EFCAB11: variants seen among roughly 807,000 people sequenced by gnomAD.
EFCAB11 encodes EF-hand calcium binding domain 11.
EFCAB11 carries 14 observed loss-of-function variants against 23.0 expected under a neutral mutation model. That is an observed-to-expected ratio of 0.61 (90% CI 0.40 to 0.95). The LOEUF is 0.95. Among genes scored for constraint, EFCAB11 ranks in the 40% least tolerant of loss-of-function variants. EFCAB11 has a pLI of 0.00. For synonymous variants in EFCAB11, 65 were observed against 66.6 expected, an observed-to-expected ratio of 0.98 and a Z score of 0.11; for missense variants, 198 against 195.8, an observed-to-expected ratio of 1.01 and a Z score of -0.07.
chr14:89,931,853 TC>T, intron 4 of EFCAB11, among the ~76,000 whole-genome samples: 1 of 152,196 alleles, frequency 6.6e-6, no homozygotes, highest in South Asian at 2.1e-4. Flanking sequence ...ATCTTGAAGG[TC>T]ACTTCTGGCC....
chr14:89,803,496 G>C (rs1458093925), intron 5 of EFCAB11, among the ~76,000 whole-genome samples: 2 of 152,196 alleles, frequency 1.3e-5, no homozygotes, highest in Non-Finnish European at 2.9e-5. Context: ...TGCCATATTT[G>C]ATGCACCTGA....
intron 5 of EFCAB11, 41 bp downstream of exon 5, chr14:89,931,500 T>C (rs1428226571): frequency 5.3e-6 from 8 of 1,515,066 alleles, no homozygotes; most frequent in African/African-American, 1.4e-5. Context: ...AAGCAAATGG[T>C]AAATCAAAAG....
chr14:89,929,735 G>C (rs1007129157), intron 5 of EFCAB11, among the ~76,000 whole-genome samples: 1 of 152,100 alleles, frequency 6.6e-6, no homozygotes, highest in Non-Finnish European at 1.5e-5. Context: ...AATTTTAATA[G>C]GTGACATTAT....
At position 89,950,022 on chromosome 14, in the gene EFCAB11, C is replaced by T. The variant is rs1891112048; in HGVS notation, c.217+75G>A. 5 of 1,403,294 alleles carry T rather than the reference C, an allele frequency of 3.6e-6. No homozygotes were observed. The South Asian group carries it at 3.9e-5, about 11-fold the overall frequency. The allele number at this position is 1,403,294 out of a possible 1,614,324, so 86.9% of individuals were successfully genotyped here. ...CAACACATAGGAATTTGAGATGAGACTGATGTAGGGACACAGCCAAGCCAT... is the reference window on the plus strand; with the variant it reads ...CAACACATAGGAATTTGAGATGAGATTGATGTAGGGACACAGCCAAGCCAT... On this transcript the variant is annotated intron_variant, in intron 3 of 5. Transcript: ENST00000316738.
intron 5 of EFCAB11, among the ~76,000 whole-genome samples, chr14:89,887,703 C>A (rs147333407): frequency 1.3e-5 from 2 of 152,072 alleles, no homozygotes; most frequent in Admixed American, 6.5e-5. Flanking sequence ...GAAAAGACAA[C>A]AGACTGTAAA....
chr14:89,824,748 C>G (rs1299216348), intron 5 of EFCAB11, among the ~76,000 whole-genome samples: 1 of 151,936 alleles, frequency 6.6e-6, no homozygotes, highest in African/African-American at 2.4e-5. Context: ...ACAAAAAATA[C>G]TGGTGGAGAT....
At chr14:89,820,697 C>A (rs1886486763) in intron 5 of EFCAB11, among the ~76,000 whole-genome samples, 1 of 152,124 alleles carries the variant, frequency 6.6e-6, no homozygotes, top group African/African-American at 2.4e-5. Context: ...TCCCAAACTG[C>A]AGCCTCTTAT....
At chr14:89,832,137 A>AC (rs1412143710) in intron 5 of EFCAB11, among the ~76,000 whole-genome samples, 1 of 151,958 alleles carries the variant, frequency 6.6e-6, no homozygotes, top group East Asian at 1.9e-4. Flanking sequence ...ACATGGTGAA[A>AC]CCCCATCTCT....
chr14:89,851,600 T>A (rs1301988305), intron 5 of EFCAB11, among the ~76,000 whole-genome samples: 1 of 152,208 alleles, frequency 6.6e-6, no homozygotes, highest in Non-Finnish European at 1.5e-5. Context: ...GACTTCCACT[T>A]TAGCATTGAC....
chr14:89,834,964 T>C (rs1286469624), intron 5 of EFCAB11, among the ~76,000 whole-genome samples: 2 of 152,220 alleles, frequency 1.3e-5, no homozygotes, highest in African/African-American at 4.8e-5. Flanking sequence ...CAGTGGTTAG[T>C]GCTGAAGAAA....
chr14:89,804,242 G>C (rs1007748541), intron 5 of EFCAB11, among the ~76,000 whole-genome samples: 1 of 152,186 alleles, frequency 6.6e-6, no homozygotes, highest in Non-Finnish European at 1.5e-5. Context: ...AGAACCCCTT[G>C]ACCAGTTTAC....
intron 5 of EFCAB11, among the ~76,000 whole-genome samples, chr14:89,929,736 G>C (rs1890325442): frequency 6.6e-6 from 1 of 152,238 alleles, no homozygotes; most frequent in African/African-American, 2.4e-5. Flanking sequence ...ATTTTAATAG[G>C]TGACATTATG....
chr14:89,843,412 G>A (rs1887332842), intron 5 of EFCAB11, among the ~76,000 whole-genome samples: 1 of 152,156 alleles, frequency 6.6e-6, no homozygotes, highest in South Asian at 2.1e-4. Flanking sequence ...TCTTTTATGT[G>A]TATTCCCTAA....
At chr14:89,827,628 CTTT>C (rs36007256) in intron 5 of EFCAB11, among the ~76,000 whole-genome samples, 5 of 105,114 alleles carry the variant, frequency 4.8e-5, no homozygotes, top group Non-Finnish European at 9.4e-5. Flanking sequence ...TTTATTCACT[CTTT>C]TTTTTTTTTT....
chr14:89,827,489 C>T (rs767296822), intron 5 of EFCAB11, among the ~76,000 whole-genome samples: 5 of 152,206 alleles, frequency 3.3e-5, no homozygotes, highest in Admixed American at 1.3e-4. Flanking sequence ...AGCTGGGAAA[C>T]GAGAGATGTG....
chr14:89,876,386 C>G (rs1004895175), intron 5 of EFCAB11, among the ~76,000 whole-genome samples: 1 of 152,136 alleles, frequency 6.6e-6, no homozygotes, highest in Non-Finnish European at 1.5e-5. Context: ...GGTCAAACAT[C>G]ATCATTACAA....
chr14:89,861,684 C>A (rs1243109209), intron 5 of EFCAB11, among the ~76,000 whole-genome samples: 1 of 152,118 alleles, frequency 6.6e-6, no homozygotes, highest in East Asian at 1.9e-4. Context: ...ATTGGGATTA[C>A]ATAAGACCAT....
intron 5 of EFCAB11, among the ~76,000 whole-genome samples, chr14:89,821,280 G>C (rs1886508208): frequency 6.6e-6 from 1 of 152,158 alleles, no homozygotes; most frequent in South Asian, 2.1e-4. Context: ...CCAAAGAAGA[G>C]GCAATTCTGC....
chr14:89,861,601 C>T (rs908341791), intron 5 of EFCAB11, among the ~76,000 whole-genome samples: 1 of 152,086 alleles, frequency 6.6e-6, no homozygotes, highest in African/African-American at 2.4e-5. Context: ...TAAATGTGTC[C>T]CCCAAATTTC....
Sources: allele counts gnomAD v4.1 joint callset (sites outside exome capture counted in the v4.1 genomes callset), GRCh38; gene constraint gnomAD v4.1.1; transcripts MANE v1.5; gene names NCBI Gene and HGNC (gene_info 2026-07-23, HGNC 2026-07-21).